The following PTPRJ variants were observed in gnomAD, a reference collection of about 807,000 sequenced individuals.
The protein encoded by PTPRJ is protein tyrosine phosphatase receptor type J.
In PTPRJ, 129 loss-of-function variants were observed where a neutral mutation model predicts 141.3. That is an observed-to-expected ratio of 0.91 (90% confidence interval 0.79 to 1.06). The LOEUF (loss-of-function observed/expected upper bound fraction) is 1.06, where lower values mean the gene tolerates loss of function less well. PTPRJ is among the 50% of genes least tolerant of loss of function. The pLI is 0.00. For missense variants in PTPRJ, 1,601 were observed against 1,679.7 expected, an observed-to-expected ratio of 0.95 and a Z score of 0.82; for synonymous variants, 610 against 640.5, an observed-to-expected ratio of 0.95 and a Z score of 0.72.
chr11:48,021,375 TAAAATAAA>T (rs1565261495), intron 1 of PTPRJ, among the ~76,000 whole-genome samples: 3 of 109,254 alleles, frequency 2.7e-5, no homozygotes, highest in Non-Finnish European at 5.8e-5. Flanking sequence ...ACTCCGTCCC[TAAAATAAA>T]TAAATAAATA....
chr11:48,092,578 C>T lies in PTPRJ; in HGVS notation c.97-17480C>T, dbSNP rs577042601. 7.2e-5 allele frequency among the ~76,000 whole-genome samples: 11 copies of T among 151,930 alleles called. No individual in the cohort carries two copies. In the East Asian group the frequency reaches 1.6e-3, roughly 22 times the overall value. ...CCAAGGAGCTGGGATTATAGGCACT[C>T]GCTACCACACCTGGCTAATTTTTGT... On this transcript the variant is annotated intron_variant, in intron 1 of 24. Coordinates refer to ENST00000418331, the MANE Select transcript of PTPRJ (RefSeq NM_002843.4).
rs1212359737 is a variant in PTPRJ, at chr11:48,158,612, C to T, written c.3439-1318C>T. 3.3e-5 allele frequency among the ~76,000 whole-genome samples: 5 copies of T among 152,204 alleles called. No individual in the cohort carries two copies. The highest frequency in any genetic ancestry group is 4.8e-5 in the African/African-American group (2 of 41,534). On this transcript the variant is annotated intron_variant, in intron 21 of 24. Coordinates refer to ENST00000418331, the MANE Select transcript of PTPRJ (RefSeq NM_002843.4). The surrounding 1 kb of genome is among the most constrained non-coding windows in gnomAD (Gnocchi z 4.4). ...TGGGTCTTTAAAGAAATACAGATCC[C>T]GCAGCCAGAGTCAGAATCTCTGGAG...
intron 1 of PTPRJ, among the ~76,000 whole-genome samples, chr11:48,107,982 G>C (rs1856338790): frequency 6.6e-6 from 1 of 152,220 alleles, no homozygotes; most frequent in African/African-American, 2.4e-5. Flanking sequence ...TACTTGGGAG[G>C]CTTAGGTGAG....
chr11:48,153,048 C>T (rs1419403769), intron 18 of PTPRJ, among the ~76,000 whole-genome samples: 4 of 152,124 alleles, frequency 2.6e-5, no homozygotes, highest in South Asian at 2.1e-4. Context: ...CAAAACACCA[C>T]GGGTTTGGTC....
intron 1 of PTPRJ, among the ~76,000 whole-genome samples, chr11:48,089,385 G>A (rs1031210602): frequency 1.3e-5 from 2 of 151,970 alleles, no homozygotes; most frequent in Non-Finnish European, 2.9e-5. Flanking sequence ...GCATAATGGT[G>A]CAGGCCTGTG....
chr11:48,125,273 T>C (rs1565315444), intron 6 of PTPRJ, 87 bp downstream of exon 6: 2 of 1,435,134 alleles, frequency 1.4e-6, no homozygotes, highest in African/African-American at 2.8e-5. Context: ...AGTGATTTCT[T>C]GCATAACAGC....
chr11:47,999,276 A>G (rs1004601449), intron 1 of PTPRJ, among the ~76,000 whole-genome samples: 2 of 152,222 alleles, frequency 1.3e-5, no homozygotes, highest in African/African-American at 4.8e-5. Context: ...AGCTGAGGAC[A>G]CTGAGGCCCA....
intron 1 of PTPRJ, among the ~76,000 whole-genome samples, chr11:48,080,414 C>A (rs1037732887): frequency 5.3e-5 from 8 of 152,154 alleles, no homozygotes; most frequent in African/African-American, 1.9e-4. Flanking sequence ...GGCCAACTTG[C>A]CTGTGATCGG....
At chr11:48,123,537 C>G in intron 4 of PTPRJ, 76 bp from the exon 5 acceptor site, 1 of 1,482,822 alleles carries the variant, frequency 6.7e-7, no homozygotes, top group South Asian at 1.3e-5. Flanking sequence ...GCTCCCAGCA[C>G]TGAACCCCAG....
chr11:48,002,963 AG>A (rs1854537080), intron 1 of PTPRJ, among the ~76,000 whole-genome samples: 1 of 151,120 alleles, frequency 6.6e-6, no homozygotes, highest in South Asian at 2.1e-4. Flanking sequence ...GAAAAAAAAA[AG>A]CCCTTTATCC....
At chr11:48,092,931 G>C (rs12272460) in intron 1 of PTPRJ, among the ~76,000 whole-genome samples, 2,030 of 152,258 alleles carry the variant, frequency 0.013, 56 homozygotes, top group African/African-American at 0.046. Flanking sequence ...CTCTTTTCCA[G>C]TCTGAGTTTG....
intron 11 of PTPRJ, among the ~76,000 whole-genome samples, chr11:48,141,317 C>G (rs1302963654): frequency 6.6e-6 from 1 of 151,888 alleles, no homozygotes; most frequent in Non-Finnish European, 1.5e-5. Flanking sequence ...GAGAGTGGCT[C>G]CATACCCTGG....
chr11:48,131,065 TA>T (rs1856966902), intron 8 of PTPRJ, among the ~76,000 whole-genome samples: 7 of 108,596 alleles, frequency 6.4e-5, no homozygotes, highest in African/African-American at 2.1e-4. Flanking sequence ...TATATATATA[TA>T]TATATTTTTT....
chr11:48,055,728 T>G (rs935966127), intron 1 of PTPRJ, among the ~76,000 whole-genome samples: 11 of 152,150 alleles, frequency 7.2e-5, no homozygotes, highest in African/African-American at 2.7e-4. Context: ...ATCCCTGAAG[T>G]TGGGTCCAGA....
intron 6 of PTPRJ, 99 bp downstream of exon 6, chr11:48,125,285 A>G: frequency 1.5e-6 from 2 of 1,344,722 alleles, no homozygotes; most frequent in East Asian, 2.4e-5. Flanking sequence ...CATAACAGCT[A>G]GTTTTGATGT....
chr11:48,049,557 A>C (rs193043604), intron 1 of PTPRJ, among the ~76,000 whole-genome samples: 127 of 149,642 alleles, frequency 8.5e-4, no homozygotes, highest in African/African-American at 3.1e-3. Context: ...AAACAAAACA[A>C]AACAAAACAA....
At chr11:48,150,895 C>G (rs1857465459) in intron 18 of PTPRJ, among the ~76,000 whole-genome samples, 1 of 152,216 alleles carries the variant, frequency 6.6e-6, no homozygotes, top group South Asian at 2.1e-4. Context: ...GCTGCTTCCT[C>G]CATGGGCATT....
intron 16 of PTPRJ, 176 bp downstream of exon 16, chr11:48,149,664 C>T (rs1169194925): frequency 1.8e-6 from 1 of 553,678 alleles, no homozygotes; most frequent in East Asian, 3.2e-5. Flanking sequence ...TTTTATTAGT[C>T]TCCTGAAGCT....
intron 1 of PTPRJ, among the ~76,000 whole-genome samples, chr11:48,056,879 G>A (rs905734995): frequency 2.0e-5 from 3 of 152,162 alleles, no homozygotes; most frequent in African/African-American, 7.2e-5. Context: ...GCTTGACTCC[G>A]GGAGGAGGAG....
Sources: gnomAD v4.1 joint callset for allele counts (sites outside exome capture counted in the v4.1 genomes callset) on GRCh38, gnomAD v4.1.1 for gene constraint, Gnocchi (gnomAD v3.1) non-coding constraint, MANE v1.5 for transcripts, NCBI Gene and HGNC (gene_info 2026-07-23, HGNC 2026-07-21) for gene names.